Variants in COL25A1 observed in about 807,000 individuals in gnomAD.
COL25A1 encodes collagen type XXV alpha 1 chain, also known as collagen alpha-1(XXV) chain.
In COL25A1, 103 loss-of-function variants were observed where a neutral mutation model predicts 128.4. The observed-to-expected ratio is 0.80, with a 90% CI of 0.68 to 0.94. The LOEUF is 0.94. Among genes scored for constraint, COL25A1 ranks in the 40% least tolerant of loss-of-function variants. COL25A1 has a pLI of 0.00. For missense variants in COL25A1, 745 were observed against 840.0 expected (o/e 0.89, Z 1.40); for synonymous variants, 279 against 277.2 (o/e 1.01, Z -0.06).
intron 3 of COL25A1, among the ~76,000 whole-genome samples, chr4:109,200,324 C>G (rs1288463019): frequency 3.3e-5 from 5 of 152,176 alleles, no homozygotes; most frequent in Admixed American, 2.6e-4. Flanking sequence ...ATCATTGCTC[C>G]ACTTCCATTT....
chr4:109,167,571 G>C lies in COL25A1; in HGVS notation c.368-117392C>G, dbSNP rs1773189550. Among the ~76,000 whole-genome samples the C allele has an allele frequency of 1.3e-5, 2 of 152,058 alleles. 1 individual carries two copies. Among genetic ancestry groups the C allele is most frequent in the South Asian group, 4.1e-4 (2 of 4,832 alleles). ...GATAATTACATTTGTAACTGTAATT[G>C]AAGTGATAAGATTTCACCCAGCTCT... On this transcript the variant is annotated intron_variant, in intron 3 of 37. Transcript: ENST00000399132.
chr4:109,166,809 T>C (rs2704116), intron 3 of COL25A1, among the ~76,000 whole-genome samples: 82,261 of 151,976 alleles, frequency 0.54, 23,668 homozygotes, highest in Non-Finnish European at 0.66. Flanking sequence ...AAATTAGAGC[T>C]TGTGACTAAT....
intron 16 of COL25A1, among the ~76,000 whole-genome samples, chr4:108,896,073 G>T (rs959673756): frequency 1.3e-5 from 2 of 150,580 alleles, no homozygotes; most frequent in African/African-American, 4.9e-5. Context: ...AGCCTCCTGA[G>T]TAGCTGGGAC....
intron 13 of COL25A1, among the ~76,000 whole-genome samples, chr4:108,903,454 C>T (rs1229010994): frequency 2.0e-5 from 3 of 151,966 alleles, no homozygotes; most frequent in African/African-American, 7.2e-5. Flanking sequence ...ATAGTTTAAT[C>T]ATCTATCAAA....
chr4:109,282,201 G>C (rs1211574279), intron 3 of COL25A1, among the ~76,000 whole-genome samples: 1 of 150,138 alleles, frequency 6.7e-6, no homozygotes, highest in Non-Finnish European at 1.5e-5. Context: ...CAATTTTTCA[G>C]CTACTCTAAA....
intron 8 of COL25A1, among the ~76,000 whole-genome samples, chr4:108,947,606 T>C (rs1748927254): frequency 1.3e-5 from 2 of 151,902 alleles, no homozygotes; most frequent in Admixed American, 6.6e-5. Flanking sequence ...ACAAAGAAGA[T>C]GAAAAGGAGT....
chr4:109,263,912 C>A (rs1781613060), intron 3 of COL25A1, among the ~76,000 whole-genome samples: 1 of 152,196 alleles, frequency 6.6e-6, no homozygotes, highest in South Asian at 2.1e-4. Flanking sequence ...ATAGACCAGG[C>A]ACATGAGAAA....
At chr4:108,934,488 A>C (rs926686128) in intron 11 of COL25A1, among the ~76,000 whole-genome samples, 2 of 152,152 alleles carry the variant, frequency 1.3e-5, no homozygotes, top group Non-Finnish European at 2.9e-5. Flanking sequence ...GTATAGTAAA[A>C]ATAATAATAA....
At chr4:109,010,248 G>T in intron 6 of COL25A1, 110 bp downstream of exon 6, 3 of 858,260 alleles carry the variant, frequency 3.5e-6, no homozygotes, top group Non-Finnish European at 5.5e-6. Context: ...GTGTGGTGTT[G>T]TGATTATCAG....
chr4:109,117,358 T>C (rs2031015298), intron 3 of COL25A1, among the ~76,000 whole-genome samples: 1 of 151,958 alleles, frequency 6.6e-6, no homozygotes, highest in Admixed American at 6.6e-5. Flanking sequence ...TAGAGGGAAA[T>C]ATTTAAAGTG....
chr4:109,168,775 T>C (rs1399154530), intron 3 of COL25A1, among the ~76,000 whole-genome samples: 1 of 152,204 alleles, frequency 6.6e-6, no homozygotes, highest in African/African-American at 2.4e-5. Context: ...GAAAGTATTA[T>C]AGGCATCTAA....
rs1247369007 is a variant in COL25A1, at chr4:109,211,274, C to CTATATATA, written c.367+89301_367+89308dup. Among the ~76,000 whole-genome samples, 5 of 15,958 alleles carry CTATATATA rather than the reference C, an allele frequency of 3.1e-4. No individual in the cohort carries two copies. In the East Asian group the frequency reaches 3.7e-3, roughly 12 times the overall value. The allele number at this position is 15,958 out of a possible 152,430, so 10.5% of individuals were successfully genotyped here. ...ACAATATATATGTATATATATGAAACTATATATATATGAAACTATATATAT... is the reference window on the plus strand; with the variant it reads ...ACAATATATATGTATATATATGAAACTATATATATATATATATATGAAACTATATATAT... On this transcript the variant is annotated intron_variant, in intron 3 of 37. Coordinates refer to ENST00000399132, the MANE Select transcript of COL25A1 (RefSeq NM_198721.4).
At position 109,203,759 on chromosome 4, in the gene COL25A1, A is replaced by G. The variant is rs182135464; in HGVS notation, c.367+96824T>C. 3.9e-5 allele frequency among the ~76,000 whole-genome samples: 6 copies of G among 152,326 alleles called. No individual in the cohort carries two copies. In the East Asian group the frequency reaches 1.2e-3, roughly 29 times the overall value. On this transcript the variant is annotated intron_variant, in intron 3 of 37. Transcript: ENST00000399132. ...GTAAAGCAATGTTTAATTCCAAGGGAAAAATTTAATCATGGAACAATATGG... is the reference window on the plus strand; with the variant it reads ...GTAAAGCAATGTTTAATTCCAAGGGGAAAATTTAATCATGGAACAATATGG...
intron 6 of COL25A1, among the ~76,000 whole-genome samples, chr4:108,984,649 C>T (rs548009531): frequency 6.6e-6 from 1 of 152,340 alleles, no homozygotes; most frequent in African/African-American, 2.4e-5. Context: ...CTCCGAAGTG[C>T]GGGGTTCGCT....
At chr4:108,882,339 G>A (rs912047461) in intron 19 of COL25A1, among the ~76,000 whole-genome samples, 1 of 149,494 alleles carries the variant, frequency 6.7e-6, no homozygotes, top group African/African-American at 2.5e-5. Flanking sequence ...AGTGCTTCAA[G>A]TTCAGGAGAA....
At chr4:108,868,841 G>C (rs1738298392) in intron 20 of COL25A1, among the ~76,000 whole-genome samples, 1 of 145,562 alleles carries the variant, frequency 6.9e-6, no homozygotes, top group African/African-American at 2.5e-5. Context: ...ATGAAGGAAG[G>C]AAGATAGGAA....
chr4:109,041,815 G>C (rs956037612), intron 5 of COL25A1, among the ~76,000 whole-genome samples: 3 of 152,032 alleles, frequency 2.0e-5, no homozygotes, highest in Non-Finnish European at 4.4e-5. Flanking sequence ...GATAGCCTTG[G>C]AACACACATG....
chr4:109,212,606 C>A (rs1161810016), intron 3 of COL25A1, among the ~76,000 whole-genome samples: 1 of 152,028 alleles, frequency 6.6e-6, no homozygotes, highest in Non-Finnish European at 1.5e-5. Flanking sequence ...ATGCCCATGT[C>A]AGAAGGGAAT....
intron 13 of COL25A1, among the ~76,000 whole-genome samples, chr4:108,908,293 A>T (rs13144102): frequency 0.48 from 72,180 of 151,300 alleles, 19,412 homozygotes; most frequent in East Asian, 0.93. Context: ...GTCATCACTG[A>T]GCTGAGTCTG....
Sources: gnomAD v4.1 joint callset for allele counts (sites outside exome capture counted in the v4.1 genomes callset) on GRCh38, gnomAD v4.1.1 for gene constraint, MANE v1.5 for transcripts, NCBI Gene and HGNC (gene_info 2026-07-23, HGNC 2026-07-21) for gene names.